BORCS7: variants seen among roughly 807,000 people sequenced by gnomAD.
BORCS7 encodes BLOC-1-related complex subunit 7.
A neutral mutation model predicts 17.5 loss-of-function variants in BORCS7; 20 were observed. The observed-to-expected ratio is 1.14, with a 90% CI of 0.80 to 1.66. BORCS7 has a LOEUF of 1.66. Among genes scored for constraint, BORCS7 ranks in the 40% most tolerant of loss-of-function variants. BORCS7 has a pLI of 0.00. For missense variants in BORCS7, 122 were observed against 129.7 expected, an observed-to-expected ratio of 0.94 and a Z score of 0.29; for synonymous variants, 57 against 49.8, an observed-to-expected ratio of 1.14 and a Z score of -0.61.
intron 1 of BORCS7, among the ~76,000 whole-genome samples, chr10:102,859,710 C>T (rs1163999671): frequency 2.0e-5 from 3 of 151,806 alleles, no homozygotes; most frequent in South Asian, 4.1e-4. Context: ...GGATTACAAG[C>T]GCAGCCACCA....
chr10:102,860,269 C>A (rs1844494797), intron 1 of BORCS7, 63 bp from the exon 2 acceptor site: 2 of 1,429,952 alleles, frequency 1.4e-6, no homozygotes, highest in Non-Finnish European at 2.0e-6. Context: ...GTAACAGCTG[C>A]AGAGAGAAGA....
chr10:102,862,541 T>A (rs1330384008), intron 4 of BORCS7, among the ~76,000 whole-genome samples: 1 of 152,270 alleles, frequency 6.6e-6, no homozygotes, highest in Non-Finnish European at 1.5e-5. Context: ...TTGTTTACAT[T>A]ACTAATTGGC....
intron 1 of BORCS7, among the ~76,000 whole-genome samples, chr10:102,858,201 A>C (rs1171549019): frequency 1.4e-5 from 2 of 138,486 alleles, no homozygotes; most frequent in African/African-American, 2.6e-5. Flanking sequence ...AGAGAGAGAG[A>C]GCGAGCGAGA....
At chr10:102,860,018 G>GT (rs1459328520) in intron 1 of BORCS7, among the ~76,000 whole-genome samples, 1 of 152,150 alleles carries the variant, frequency 6.6e-6, no homozygotes, top group Non-Finnish European at 1.5e-5. Context: ...TGGAGCCAAA[G>GT]TTTTTTTGCA....
chr10:102,860,802 C>T (rs1844504884), intron 3 of BORCS7: 1 of 575,868 alleles, frequency 1.7e-6, no homozygotes, highest in Admixed American at 3.1e-5. Context: ...GACTATAAAC[C>T]CTGTAAAGGC....
Position 102,854,325 on chromosome 10 carries a change from C to A in BORCS7, c.39C>A (p.Phe13Leu), listed in dbSNP as rs777048317. The A allele has an allele frequency of 4.4e-6, 7 of 1,601,698 alleles. No homozygotes were observed. Among genetic ancestry groups the A allele is most frequent in the Non-Finnish European group, 6.0e-6 (7 of 1,174,190 alleles). ...GAACGCCAGAGTCTCAAGCGCGGTT[C>A]GGTCAGTCCGTGAAGGGGCTTCTCA... The part of the protein sequence containing the change: ...ATGTPESQAR[F>L]GQSVKGLLTE... The change falls in exon 1 of 5, where the codon TTC becomes TTA. Residue 13 changes from phenylalanine to leucine, a missense_variant. Phe to Leu is a conservative substitution (Grantham distance 22). Coordinates refer to ENST00000339834, the MANE Select transcript of BORCS7 (RefSeq NM_001136200.2).
At chr10:102,859,506 C>G (rs1038759837) in intron 1 of BORCS7, among the ~76,000 whole-genome samples, 2 of 151,488 alleles carry the variant, frequency 1.3e-5, no homozygotes, top group African/African-American at 2.4e-5. Flanking sequence ...CCATTTTAAG[C>G]CCTGAGCTTC....
At chr10:102,859,417 G>C (rs1844480557) in intron 1 of BORCS7, among the ~76,000 whole-genome samples, 1 of 151,810 alleles carries the variant, frequency 6.6e-6, no homozygotes. Context: ...GGGATTACAG[G>C]TGTGAGCCAC....
chr10:102,862,434 C>T (rs1844536505), intron 4 of BORCS7, among the ~76,000 whole-genome samples: 1 of 152,114 alleles, frequency 6.6e-6, no homozygotes, highest in Non-Finnish European at 1.5e-5. Context: ...GAGTAGAAAA[C>T]CTTTTACATT....
intron 1 of BORCS7, among the ~76,000 whole-genome samples, chr10:102,854,965 A>T (rs888601885): frequency 1.4e-4 from 21 of 147,120 alleles, no homozygotes; most frequent in Non-Finnish European, 2.8e-4. Context: ...TATATATTAT[A>T]TATAATATAT....
intron 1 of BORCS7, among the ~76,000 whole-genome samples, chr10:102,855,159 C>CTT (rs945217993): frequency 2.5e-4 from 33 of 130,746 alleles, no homozygotes; most frequent in African/African-American, 4.5e-4. Context: ...AGTACTTTTC[C>CTT]TTTTTTTTTT....
chr10:102,855,652 A>ACC (rs1844414805), intron 1 of BORCS7, among the ~76,000 whole-genome samples: 1 of 152,242 alleles, frequency 6.6e-6, no homozygotes, highest in South Asian at 2.1e-4. Flanking sequence ...TAGTGAAGAG[A>ACC]CAGACGATAA....
At chr10:102,857,177 C>T (rs1844440348) in intron 1 of BORCS7, among the ~76,000 whole-genome samples, 1 of 152,190 alleles carries the variant, frequency 6.6e-6, no homozygotes, top group South Asian at 2.1e-4. Flanking sequence ...TGCCCCACTA[C>T]ATGCTCCCGG....
rs779890664 is a variant in BORCS7 at position 102,854,263 on chromosome 10, G to C, written c.-24G>C. 4 of 1,602,348 alleles carry C rather than the reference G, an allele frequency of 2.5e-6. No individual in the cohort carries two copies. Among genetic ancestry groups the C allele is most frequent in the Admixed American group, 3.4e-5 (2 of 58,288 alleles). ...TGGCCCCGGCGACTCACCATCGTCA[G>C]TGCGCAACCGTTCGCTAACTGAAAT... On this transcript the variant is annotated 5_prime_UTR_variant, in exon 1 of 5. Coordinates refer to ENST00000339834, the MANE Select transcript of BORCS7 (RefSeq NM_001136200.2).
In BORCS7 at chr10:102,862,994, C is replaced by A; in HGVS notation, c.*70C>A. 1 of 1,357,094 alleles carries A rather than the reference C, an allele frequency of 7.4e-7. No individual in the cohort carries two copies. Among genetic ancestry groups the A allele is most frequent in the Non-Finnish European group, 1.1e-6 (1 of 950,474 alleles). 84.1% of individuals were successfully genotyped at this position (1,357,094 alleles called of 1,614,324 possible). On this transcript the variant is annotated 3_prime_UTR_variant, in exon 5 of 5. Transcript: ENST00000339834. ...GGAGTAAATACCTTACACAGCTGTCCTCTGGGTTTGGTTTTCTATTTTCTT... is the reference window on the plus strand; with the variant it reads ...GGAGTAAATACCTTACACAGCTGTCATCTGGGTTTGGTTTTCTATTTTCTT...
intron 1 of BORCS7, among the ~76,000 whole-genome samples, chr10:102,859,713 A>G (rs1289406647): frequency 6.6e-6 from 1 of 151,578 alleles, no homozygotes; most frequent in Non-Finnish European, 1.5e-5. Flanking sequence ...TTACAAGCGC[A>G]GCCACCATGC....
At chr10:102,854,480 T>C (rs1844392636) in intron 1 of BORCS7, 53 bp downstream of exon 1, 1 of 1,504,566 alleles carries the variant, frequency 6.6e-7, no homozygotes, top group South Asian at 1.2e-5. Context: ...TCGCAGTCTT[T>C]CGTTGCTGTG....
At chr10:102,862,284 C>A in intron 4 of BORCS7, 104 bp downstream of exon 4, 1 of 1,095,580 alleles carries the variant, frequency 9.1e-7, no homozygotes, top group Non-Finnish European at 1.3e-6. Flanking sequence ...TTGACACCTG[C>A]CCTCAAATTG....
At chr10:102,856,486 A>G (rs1844429818) in intron 1 of BORCS7, among the ~76,000 whole-genome samples, 1 of 152,236 alleles carries the variant, frequency 6.6e-6, no homozygotes, top group African/African-American at 2.4e-5. Context: ...AATAATACGA[A>G]AAATGAAATA....
Sources: allele counts gnomAD v4.1 joint callset (sites outside exome capture counted in the v4.1 genomes callset), GRCh38; gene constraint gnomAD v4.1.1; transcripts MANE v1.5; gene names NCBI Gene and HGNC (gene_info 2026-07-23, HGNC 2026-07-21).